The following TAF3 variants were observed in gnomAD, a reference collection of about 807,000 sequenced individuals.
The protein encoded by TAF3 is transcription initiation factor TFIID subunit 3.
A neutral mutation model predicts 80.6 loss-of-function variants in TAF3; 7 were observed. The observed-to-expected ratio is 0.09, with a 90% CI of 0.05 to 0.16. The LOEUF is 0.16. Ranked by LOEUF, TAF3 falls within the 10% of genes least tolerant of loss-of-function variation. The pLI is 1.00. For missense variants in TAF3, 921 were observed against 1,140.2 expected (o/e 0.81, Z 2.77); for synonymous variants, 444 against 446.1 (o/e 1.00, Z 0.06).
chr10:7,874,278 G>T lies in TAF3; in HGVS notation c.409+49718G>T, dbSNP rs530273803. On this transcript the variant is annotated intron_variant, in intron 2 of 6. Transcript: ENST00000344293. ...GCTCTGCATTTAAACTTGTACTGAT[G>T]AAGTTTTAGAGGCTAATTATTTTTA... Among the ~76,000 whole-genome samples, 5 of 152,298 alleles carry T rather than the reference G, an allele frequency of 3.3e-5. No individual in the cohort carries two copies. The South Asian group carries it at 8.3e-4, about 25-fold the overall frequency.
intron 2 of TAF3, among the ~76,000 whole-genome samples, chr10:7,963,339 ATAAT>A (rs918310519): frequency 2.6e-5 from 4 of 152,174 alleles, no homozygotes; most frequent in African/African-American, 9.7e-5. Context: ...GGTTAGGAAA[ATAAT>A]TAATTCAGGA....
rs147794627 is a variant in TAF3, at chr10:7,961,053, G to A, written c.410-2867G>A. On this transcript the variant is annotated intron_variant, in intron 2 of 6. Coordinates refer to ENST00000344293, the MANE Select transcript of TAF3 (RefSeq NM_031923.4). ...GTTCGGAAGATCACCGTAAGACGAC[G>A]TGAGAGATGGTTCTGAGAAAGCTGC... Among the ~76,000 whole-genome samples, 95 of 152,302 alleles carry A rather than the reference G, an allele frequency of 6.2e-4. 1 individual carries two copies. The highest frequency in any genetic ancestry group is 2.1e-3 in the African/African-American group (87 of 41,544).
chr10:7,881,566 T>C (rs959983887), intron 2 of TAF3, among the ~76,000 whole-genome samples: 1 of 151,866 alleles, frequency 6.6e-6, no homozygotes, highest in Non-Finnish European at 1.5e-5. Flanking sequence ...ACGTAATAAG[T>C]TTTTTATATC....
chr10:7,919,489 C>T (rs1171169347), intron 2 of TAF3, among the ~76,000 whole-genome samples: 2 of 152,114 alleles, frequency 1.3e-5, no homozygotes, highest in Non-Finnish European at 2.9e-5. Context: ...TGAATACTAG[C>T]CTTGCAGGTA....
At chr10:7,875,902 C>T (rs113727803) in intron 2 of TAF3, among the ~76,000 whole-genome samples, 8 of 151,840 alleles carry the variant, frequency 5.3e-5, no homozygotes, top group Admixed American at 2.6e-4. Context: ...TTTTCTTGTA[C>T]GACTAATTTT....
intron 2 of TAF3, among the ~76,000 whole-genome samples, chr10:7,939,620 A>ACACACC (rs1301578791): frequency 7.1e-6 from 1 of 141,814 alleles, no homozygotes; most frequent in African/African-American, 2.7e-5. Flanking sequence ...ACACACACAC[A>ACACACC]CCTCTACCTA....
chr10:7,976,438 G>A (rs1233042026), intron 3 of TAF3, among the ~76,000 whole-genome samples: 7 of 143,098 alleles, frequency 4.9e-5, no homozygotes, highest in African/African-American at 1.0e-4. Context: ...TTTTTGAGAC[G>A]GAGTCTCGCT....
At chr10:7,853,556 T>TA (rs1837049601) in intron 2 of TAF3, among the ~76,000 whole-genome samples, 2 of 152,262 alleles carry the variant, frequency 1.3e-5, no homozygotes, top group Non-Finnish European at 2.9e-5. Context: ...CTTCAACTGT[T>TA]ATCTGATTCA....
At chr10:8,008,720 C>T (rs930399220) in intron 4 of TAF3, among the ~76,000 whole-genome samples, 3 of 152,286 alleles carry the variant, frequency 2.0e-5, no homozygotes, top group East Asian at 3.9e-4. Flanking sequence ...GTCAGGCCCC[C>T]CCGAGGACTC....
At chr10:7,985,483 G>T (rs946076515) in intron 4 of TAF3, among the ~76,000 whole-genome samples, 1 of 152,112 alleles carries the variant, frequency 6.6e-6, no homozygotes, top group Non-Finnish European at 1.5e-5. Context: ...TGAGAAAAAG[G>T]CTATGTAACA....
At position 7,964,977 on chromosome 10, in the gene TAF3, T is replaced by C. The variant is rs1204893985; in HGVS notation, c.1467T>C (p.Phe489=). ...CACCTTCAAATATGCCCCCCAACTT[T>C]CCTTATATCTCTTCTCCGTCAGTGT... ...LGTPSNMPPN[F]PYISSPSVSP... is the part of the protein sequence containing the mutation. Residue 489 remains phenylalanine, a synonymous_variant, in exon 3 of 7, where the codon TTT becomes TTC. Transcript: ENST00000344293. The surrounding 1 kb of genome is among the most constrained non-coding windows in gnomAD (Gnocchi z 4.1). 1.3e-5 allele frequency: 21 copies of C among 1,613,956 alleles called. No homozygotes were observed. Among genetic ancestry groups the C allele is most frequent in the African/African-American group, 2.7e-5 (2 of 74,882 alleles).
At chr10:7,869,216 C>T (rs1837242700) in intron 2 of TAF3, among the ~76,000 whole-genome samples, 1 of 151,756 alleles carries the variant, frequency 6.6e-6, no homozygotes, top group African/African-American at 2.4e-5. Flanking sequence ...ACATATAATC[C>T]CATGAAGAAT....
intron 4 of TAF3, among the ~76,000 whole-genome samples, chr10:8,005,066 C>A (rs1831979083): frequency 6.6e-6 from 1 of 152,090 alleles, no homozygotes. Context: ...TTTTTAATTT[C>A]TAGAAGGTCT....
intron 2 of TAF3, among the ~76,000 whole-genome samples, chr10:7,913,090 C>G (rs950436491): frequency 6.6e-6 from 1 of 152,168 alleles, no homozygotes; most frequent in Admixed American, 6.5e-5. Context: ...CCTTTCCTCT[C>G]CGCACACACG....
intron 2 of TAF3, among the ~76,000 whole-genome samples, chr10:7,933,624 T>C (rs1445262139): frequency 6.6e-6 from 1 of 152,214 alleles, no homozygotes; most frequent in Non-Finnish European, 1.5e-5. Flanking sequence ...AGTGGTGAAG[T>C]GATAGTGAAA....
intron 4 of TAF3, among the ~76,000 whole-genome samples, chr10:7,991,630 T>A (rs1831835205): frequency 6.6e-6 from 1 of 152,158 alleles, no homozygotes. Context: ...ACATATATAG[T>A]CACTTCTTAG....
chr10:7,960,368 A>G (rs906692893), intron 2 of TAF3, among the ~76,000 whole-genome samples: 3 of 152,190 alleles, frequency 2.0e-5, no homozygotes, highest in Non-Finnish European at 4.4e-5. Flanking sequence ...AGGGGTCAGC[A>G]AACGTTTTTT....
chr10:7,881,459 C>T (rs767939279), intron 2 of TAF3, among the ~76,000 whole-genome samples: 4 of 149,338 alleles, frequency 2.7e-5, no homozygotes, highest in Non-Finnish European at 5.9e-5. Flanking sequence ...AAGTAAAAGA[C>T]ATTTGTCTCT....
rs372165400 is a variant in TAF3 at position 7,964,533 on chromosome 10, C to G, written c.1023C>G (p.Asn341Lys). ...CACCTGTGAGACCTGAAACGCCCAACAGGACTCCTTCAGCTACACTCAGTG... is the reference window on the plus strand; with the variant it reads ...CACCTGTGAGACCTGAAACGCCCAAGAGGACTCCTTCAGCTACACTCAGTG... ...PQTPVRPETP[N>K]RTPSATLSEK... The change falls in exon 3 of 7, where the codon AAC becomes AAG. Residue 341 changes from asparagine (N) to lysine (K), a missense_variant. By Grantham distance (94) the Asn-to-Lys change is moderately conservative. Transcript: ENST00000344293. The surrounding 1 kb of genome is among the most constrained non-coding windows in gnomAD (Gnocchi z 4.1). 1.6e-5 allele frequency: 26 copies of G among 1,613,478 alleles called. No individual in the cohort carries two copies. The highest frequency in any genetic ancestry group is 2.1e-5 in the Non-Finnish European group (25 of 1,179,804).
Sources: gnomAD v4.1 joint callset for allele counts (sites outside exome capture counted in the v4.1 genomes callset) on GRCh38, gnomAD v4.1.1 for gene constraint, Gnocchi (gnomAD v3.1) non-coding constraint, MANE v1.5 for transcripts, NCBI Gene and HGNC (gene_info 2026-07-23, HGNC 2026-07-21) for gene names.